The following SYNPR variants were observed in gnomAD, a reference collection of about 807,000 sequenced individuals.
SYNPR encodes the protein synaptoporin.
A neutral mutation model predicts 32.9 loss-of-function variants in SYNPR; 23 were observed. The ratio of observed to expected loss-of-function variants is 0.70; its 90% CI spans 0.50 to 0.99. The LOEUF (loss-of-function observed/expected upper bound fraction) is 0.99, where lower values mean the gene tolerates loss of function less well. Ranked by LOEUF, SYNPR falls within the 50% of genes least tolerant of loss-of-function variation. SYNPR has a pLI of 0.00. For synonymous variants in SYNPR, 146 were observed against 135.9 expected, an observed-to-expected ratio of 1.07 and a Z score of -0.52; for missense variants, 318 against 349.3, an observed-to-expected ratio of 0.91 and a Z score of 0.71.
chr3:63,520,780 C>A (rs1701897142), intron 3 of SYNPR, among the ~76,000 whole-genome samples: 1 of 152,040 alleles, frequency 6.6e-6, no homozygotes, highest in African/African-American at 2.4e-5. Flanking sequence ...GAATCCAAGT[C>A]ATGTCTGACA....
At chr3:63,498,894 G>A (rs934400432) in intron 3 of SYNPR, among the ~76,000 whole-genome samples, 6 of 149,578 alleles carry the variant, frequency 4.0e-5, no homozygotes, top group African/African-American at 1.2e-4. Context: ...CAGGAGGATC[G>A]CTTGTGCCCA....
the SYNPR span, among the ~76,000 whole-genome samples, chr3:63,220,178 G>A: frequency 6.6e-6 from 1 of 152,214 alleles, no homozygotes; most frequent in Non-Finnish European, 1.5e-5. Flanking sequence ...AAGAAGTCTA[G>A]TGAGACAGAT....
chr3:63,464,690 T>C (rs953287965), intron 2 of SYNPR, among the ~76,000 whole-genome samples: 13 of 152,162 alleles, frequency 8.5e-5, no homozygotes, highest in African/African-American at 2.7e-4. Context: ...CCCACTTACA[T>C]TTCTTTTCCC....
chr3:63,452,228 G>A (rs539440724), intron 2 of SYNPR: 30 of 559,194 alleles, frequency 5.4e-5, no homozygotes, highest in East Asian at 4.5e-4. Context: ...TTTGGGATAC[G>A]GAGGTAACTA....
intron 3 of SYNPR, among the ~76,000 whole-genome samples, chr3:63,533,815 T>C (rs796873357): frequency 1.7e-4 from 26 of 152,140 alleles, no homozygotes; most frequent in African/African-American, 6.3e-4. Flanking sequence ...CCCTTGGCTA[T>C]CGAATAGACC....
At chr3:63,228,694 AAGAG>A (rs1198991175) in intron 1 of SYNPR, among the ~76,000 whole-genome samples, 1 of 152,060 alleles carries the variant, frequency 6.6e-6, no homozygotes, top group African/African-American at 2.4e-5. Flanking sequence ...AGAACAAAGA[AAGAG>A]AGAATTTCCT....
intron 2 of SYNPR, among the ~76,000 whole-genome samples, chr3:63,402,127 A>G (rs1039397226): frequency 6.6e-6 from 1 of 152,152 alleles, no homozygotes; most frequent in African/African-American, 2.4e-5. Flanking sequence ...AGAAGGAGGA[A>G]GGAGAGGTTT....
At chr3:63,310,206 G>A (rs1246300281) in intron 2 of SYNPR, among the ~76,000 whole-genome samples, 2 of 151,750 alleles carry the variant, frequency 1.3e-5, no homozygotes, top group Non-Finnish European at 2.9e-5. Flanking sequence ...CTCACCTTTG[G>A]TCTCCTTATT....
chr3:63,207,233 C>T, the SYNPR span, among the ~76,000 whole-genome samples: 1 of 152,202 alleles, frequency 6.6e-6, no homozygotes, highest in East Asian at 1.9e-4. Context: ...TGTTTACATT[C>T]AGTGACGTGT....
At chr3:63,311,898 A>G (rs2086968302) in intron 2 of SYNPR, among the ~76,000 whole-genome samples, 1 of 151,998 alleles carries the variant, frequency 6.6e-6, no homozygotes, top group African/African-American at 2.4e-5. Flanking sequence ...AGTAGGAATT[A>G]GGAGACCTAA....
intron 3 of SYNPR, among the ~76,000 whole-genome samples, chr3:63,512,959 A>G (rs913274652): frequency 2.0e-5 from 3 of 152,064 alleles, no homozygotes; most frequent in Non-Finnish European, 4.4e-5. Flanking sequence ...CCCAGCCTCT[A>G]TTTTAGTCCT....
At chr3:63,386,339 A>T (rs2088044489) in intron 2 of SYNPR, among the ~76,000 whole-genome samples, 1 of 152,178 alleles carries the variant, frequency 6.6e-6, no homozygotes, top group African/African-American at 2.4e-5. Flanking sequence ...AAATAAATGT[A>T]TTCTACTCTG....
At chr3:63,576,573 C>G (rs569028554) in intron 4 of SYNPR, among the ~76,000 whole-genome samples, 2 of 151,902 alleles carry the variant, frequency 1.3e-5, no homozygotes, top group Non-Finnish European at 2.9e-5. Context: ...AGGCGGATCA[C>G]GAGGTCAGGA....
rs191100015 is a variant in SYNPR, at chr3:63,264,806, G to A, written n.155-2511G>A. On this transcript the variant is annotated intron_variant and non_coding_transcript_variant, in intron 2 of 4. Transcript: ENST00000478456. ...AGGAGAGGCAGGCACTTTCCTCACAGGGTGGAAGGACGGAGTGAGGGCAAG... is the reference window on the plus strand; with the variant it reads ...AGGAGAGGCAGGCACTTTCCTCACAAGGTGGAAGGACGGAGTGAGGGCAAG... Among the ~76,000 whole-genome samples the A allele has an allele frequency of 1.3e-3, 194 of 152,226 alleles. 2 individuals are homozygous for A. The highest frequency in any genetic ancestry group is 3.7e-3 in the African/African-American group (153 of 41,530).
the SYNPR span, among the ~76,000 whole-genome samples, chr3:63,206,211 T>C: frequency 6.6e-6 from 1 of 152,116 alleles, no homozygotes; most frequent in Non-Finnish European, 1.5e-5. Context: ...GATTCTTAGG[T>C]GCCCTAAAAT....
chr3:63,290,142 A>AAAAATC (rs767336423), intron 2 of SYNPR, among the ~76,000 whole-genome samples: 2 of 44,528 alleles, frequency 4.5e-5, no homozygotes, highest in Admixed American at 1.9e-4. Context: ...AAAACAAAAA[A>AAAAATC]ACTCCTTTTC....
At chr3:63,345,153 C>A (rs2087421132) in intron 2 of SYNPR, among the ~76,000 whole-genome samples, 1 of 152,192 alleles carries the variant, frequency 6.6e-6, no homozygotes, top group African/African-American at 2.4e-5. Context: ...TAGGTTTTAG[C>A]AGAATTCATG....
At chr3:63,469,169 G>A (rs905484384) in intron 2 of SYNPR, among the ~76,000 whole-genome samples, 2 of 152,090 alleles carry the variant, frequency 1.3e-5, no homozygotes, top group Admixed American at 6.5e-5. Flanking sequence ...CGCTGCACAT[G>A]GCAATCTGAG....
chr3:63,286,471 C>T (rs965668977), intron 2 of SYNPR, among the ~76,000 whole-genome samples: 3 of 152,198 alleles, frequency 2.0e-5, no homozygotes, highest in Non-Finnish European at 4.4e-5. Context: ...GCTCCAGGCC[C>T]TTGGGTGTTC....
Sources: allele counts gnomAD v4.1 joint callset (sites outside exome capture counted in the v4.1 genomes callset), GRCh38; gene constraint gnomAD v4.1.1; transcripts MANE v1.5; gene names NCBI Gene and HGNC (gene_info 2026-07-23, HGNC 2026-07-21).